The following DOCK3 variants were observed in gnomAD, a reference collection of about 807,000 sequenced individuals.
The protein encoded by DOCK3 is dedicator of cytokinesis 3, also known as dedicator of cytokinesis protein 3.
Under a neutral mutation model 265.6 loss-of-function variants are expected in DOCK3, and 60 were observed. That is an observed-to-expected ratio of 0.23 (90% CI 0.18 to 0.28). DOCK3 has a LOEUF of 0.28. DOCK3 is among the 10% of genes least tolerant of loss of function. The pLI, the probability that DOCK3 is intolerant of heterozygous loss-of-function variation, is 1.00. For missense variants in DOCK3, 1,981 were observed against 2,594.3 expected (o/e 0.76, Z 5.14); for synonymous variants, 881 against 938.0 (o/e 0.94, Z 1.11).
intron 4 of DOCK3, among the ~76,000 whole-genome samples, chr3:50,919,512 A>G (rs572852204): frequency 1.3e-5 from 2 of 152,212 alleles, no homozygotes; most frequent in East Asian, 3.9e-4. Flanking sequence ...TTCTCTTTCA[A>G]GCAGTTGTGA....
At chr3:50,854,592 GTTTT>G (rs71084118) in intron 3 of DOCK3, among the ~76,000 whole-genome samples, 5 of 47,212 alleles carry the variant, frequency 1.1e-4, no homozygotes, top group South Asian at 1.4e-3. Context: ...CATCACACCA[GTTTT>G]TTTTTTTTTT....
intron 1 of DOCK3, among the ~76,000 whole-genome samples, chr3:50,747,747 C>G (rs2039535785): frequency 6.6e-6 from 1 of 151,986 alleles, no homozygotes; most frequent in African/African-American, 2.4e-5. Context: ...GCCTATAATC[C>G]CAGCTGCTCA....
At chr3:51,011,957 A>G (rs947995295) in intron 5 of DOCK3, among the ~76,000 whole-genome samples, 3 of 152,174 alleles carry the variant, frequency 2.0e-5, no homozygotes, top group African/African-American at 7.2e-5. Context: ...TGAATAGCAA[A>G]TGTCGCTGCC....
chr3:50,792,693 A>G (rs2042543694), intron 2 of DOCK3, among the ~76,000 whole-genome samples: 2 of 152,182 alleles, frequency 1.3e-5, no homozygotes, highest in Non-Finnish European at 2.9e-5. Flanking sequence ...TGAGATGATC[A>G]TGTGGTTTTT....
At chr3:51,123,687 A>T (rs1468530082) in intron 9 of DOCK3, among the ~76,000 whole-genome samples, 3 of 152,258 alleles carry the variant, frequency 2.0e-5, no homozygotes, top group Non-Finnish European at 2.9e-5. Flanking sequence ...CCCATTAGGG[A>T]CTCAGCACCC....
chr3:50,741,737 G>T (rs1367998885), intron 1 of DOCK3, among the ~76,000 whole-genome samples: 1 of 151,788 alleles, frequency 6.6e-6, no homozygotes, highest in East Asian at 1.9e-4. Context: ...ATAAACATAC[G>T]TGTGCGTGTG....
chr3:50,935,401 G>C (rs532957678), intron 5 of DOCK3, among the ~76,000 whole-genome samples: 1 of 152,276 alleles, frequency 6.6e-6, no homozygotes, highest in South Asian at 2.1e-4. Context: ...AAAATGTAGG[G>C]GTGGGTGGCA....
chr3:51,053,961 C>T (rs6796642), intron 5 of DOCK3, among the ~76,000 whole-genome samples: 113,705 of 151,592 alleles, frequency 0.75, 43,800 homozygotes, highest in Middle Eastern at 0.88. Flanking sequence ...ATTTTTTTCT[C>T]AATTATATCC....
intron 2 of DOCK3, among the ~76,000 whole-genome samples, chr3:50,795,306 A>G (rs2042708500): frequency 6.6e-6 from 1 of 152,116 alleles, no homozygotes; most frequent in Admixed American, 6.5e-5. Flanking sequence ...CTCATTGTTC[A>G]TATCCTGATA....
chr3:51,365,796 T>A (rs1441648579), intron 49 of DOCK3, among the ~76,000 whole-genome samples: 2 of 152,250 alleles, frequency 1.3e-5, no homozygotes, highest in Non-Finnish European at 2.9e-5. Flanking sequence ...CGTTTATTGA[T>A]CTGCATATGT....
At chr3:51,105,038 T>G (rs1479865639) in intron 9 of DOCK3, among the ~76,000 whole-genome samples, 3 of 152,156 alleles carry the variant, frequency 2.0e-5, no homozygotes, top group Non-Finnish European at 4.4e-5. Context: ...CTACTAATCT[T>G]TGCAGTGAGG....
chr3:50,972,039 C>T (rs2108477100), intron 5 of DOCK3, among the ~76,000 whole-genome samples: 1 of 152,366 alleles, frequency 6.6e-6, no homozygotes, highest in Non-Finnish European at 1.5e-5. Flanking sequence ...TGCTTTCTAT[C>T]TCCAGGCTGC....
chr3:50,934,221 C>G, intron 5 of DOCK3, 144 bp downstream of exon 5: 2 of 618,154 alleles, frequency 3.2e-6, no homozygotes, highest in Non-Finnish European at 5.4e-6. Context: ...TGAAACATAG[C>G]AGACTGAGTT....
chr3:50,836,301 G>A (rs1216586367), intron 2 of DOCK3, among the ~76,000 whole-genome samples: 1 of 152,176 alleles, frequency 6.6e-6, no homozygotes, highest in African/African-American at 2.4e-5. Flanking sequence ...TGCCCCTGCA[G>A]CAGACTTCTG....
intron 4 of DOCK3, among the ~76,000 whole-genome samples, 199 bp from the exon 5 acceptor site, chr3:50,933,782 C>T (rs1448526356): frequency 6.6e-6 from 1 of 152,052 alleles, no homozygotes. Context: ...CAGTAAAACC[C>T]AAATCTCTTT....
intron 12 of DOCK3, among the ~76,000 whole-genome samples, chr3:51,185,045 A>G (rs982306097): frequency 1.3e-5 from 2 of 152,188 alleles, no homozygotes; most frequent in African/African-American, 2.4e-5. Flanking sequence ...AATTTTACCT[A>G]AAATGAGAAA....
At chr3:51,069,064 T>G (rs1026307120) in intron 6 of DOCK3, among the ~76,000 whole-genome samples, 2 of 152,188 alleles carry the variant, frequency 1.3e-5, no homozygotes, top group African/African-American at 2.4e-5. Context: ...GCCTAAAATT[T>G]GAATATTCAG....
At position 51,346,924 on chromosome 3, in the gene DOCK3, A is replaced by G. The variant is rs372644568; in HGVS notation, c.3916-1928A>G. 8.2e-4 allele frequency among the ~76,000 whole-genome samples: 125 copies of G among 152,312 alleles called. 1 individual carries two copies. The South Asian group carries it at 0.013, about 16-fold the overall frequency. On this transcript the variant is annotated intron_variant, in intron 38 of 52. Coordinates refer to ENST00000266037, the MANE Select transcript of DOCK3 (RefSeq NM_004947.5). ...GCATTTTTTCATGTGTCTGTTGGCT[A>G]CATAAATGTCTTCTTTTGAGAAGTG...
intron 5 of DOCK3, among the ~76,000 whole-genome samples, chr3:51,023,773 G>T (rs1222366533): frequency 2.0e-5 from 3 of 151,956 alleles, no homozygotes; most frequent in Non-Finnish European, 2.9e-5. Context: ...GCATATCCTT[G>T]ACTGTTTTTT....
Sources: gnomAD v4.1 joint callset for allele counts (sites outside exome capture counted in the v4.1 genomes callset) on GRCh38, gnomAD v4.1.1 for gene constraint, MANE v1.5 for transcripts, NCBI Gene and HGNC (gene_info 2026-07-23, HGNC 2026-07-21) for gene names.